The following SLC26A7 variants were observed in gnomAD, a reference collection of about 807,000 sequenced individuals.
SLC26A7 encodes the protein solute carrier family 26 member 7, also known as anion exchange transporter.
In SLC26A7, 59 loss-of-function variants were observed where a neutral mutation model predicts 82.5. The observed-to-expected ratio is 0.72, with a 90% CI of 0.58 to 0.89. The LOEUF (loss-of-function observed/expected upper bound fraction) is 0.89. Among genes scored for constraint, SLC26A7 ranks in the 40% least tolerant of loss-of-function variants. The probability of loss-of-function intolerance (pLI) is 0.00; values close to 1 mark genes in which losing one functional copy is unlikely to be tolerated. For synonymous variants in SLC26A7, 271 were observed against 274.3 expected (o/e 0.99, Z 0.12); for missense variants, 820 against 793.0 (o/e 1.03, Z -0.41).
intron 2 of SLC26A7, among the ~76,000 whole-genome samples, chr8:91,256,215 G>A (rs548783337): frequency 1.8e-4 from 27 of 152,098 alleles, no homozygotes; most frequent in Non-Finnish European, 4.0e-4. Context: ...CCGGCATTGA[G>A]GCATTGTCTT....
At position 91,396,565 on chromosome 8, in the gene SLC26A7, GAATT is replaced by G. The variant is rs1161036536; in HGVS notation, c.*1471_*1474del. Reference sequence around the variant, plus strand: ...TAGGGCAATGTAGTAAAATGAAAGAGAATTAAGAAAGGTTTTGAATTCTTATAAC... The same window carrying G: ...TAGGGCAATGTAGTAAAATGAAAGAGAAGAAAGGTTTTGAATTCTTATAAC... On this transcript the variant is annotated 3_prime_UTR_variant, in exon 19 of 19. Coordinates refer to ENST00000276609, the MANE Select transcript of SLC26A7 (RefSeq NM_052832.4). The G allele has an allele frequency of 6.6e-6, 1 of 151,894 alleles. No homozygotes were observed. Among genetic ancestry groups the G allele is most frequent in the Non-Finnish European group, 1.5e-5 (1 of 67,866 alleles). 9.4% of individuals were successfully genotyped at this position (151,894 alleles called of 1,614,324 possible). A position where few individuals can be genotyped will look rare whatever the true frequency, so the allele number is the denominator to read the frequency against.
chr8:91,375,105 C>G lies in SLC26A7; in HGVS notation c.1675+5272C>G, dbSNP rs148249645. Among the ~76,000 whole-genome samples the G allele has an allele frequency of 2.4e-4, 36 of 151,876 alleles. No individual in the cohort carries two copies. The East Asian group carries it at 5.6e-3, about 24-fold the overall frequency. On this transcript the variant is annotated intron_variant, in intron 15 of 18. Transcript: ENST00000276609. ...TTTGTGAGATAGATCTTTCTCCACCCCCTTACTTTGAGCCTGTGAGTGTTG... is the reference window on the plus strand; with the variant it reads ...TTTGTGAGATAGATCTTTCTCCACCGCCTTACTTTGAGCCTGTGAGTGTTG...
intron 1 of SLC26A7, chr8:91,218,794 C>A: frequency 2.8e-6 from 2 of 724,230 alleles, no homozygotes; most frequent in African/African-American, 1.8e-5. Flanking sequence ...CTTTAGAAGT[C>A]AATGTTCTGA....
chr8:91,279,688 T>G (rs1811515510), intron 2 of SLC26A7, among the ~76,000 whole-genome samples: 1 of 152,130 alleles, frequency 6.6e-6, no homozygotes. Flanking sequence ...GCCTCCCTAG[T>G]AGCTGGGACT....
intron 2 of SLC26A7, among the ~76,000 whole-genome samples, chr8:91,224,301 A>G (rs1270562245): frequency 6.6e-6 from 1 of 151,908 alleles, no homozygotes; most frequent in Non-Finnish European, 1.5e-5. Context: ...ATCAATTCTC[A>G]TCTTCATGAG....
intron 2 of SLC26A7, among the ~76,000 whole-genome samples, chr8:91,288,138 T>C (rs998055053): frequency 1.3e-5 from 2 of 152,200 alleles, no homozygotes; most frequent in Non-Finnish European, 2.9e-5. Flanking sequence ...TTAAAAATGG[T>C]AAAAGCTCAA....
chr8:91,324,389 G>A (rs1812878815), intron 5 of SLC26A7, among the ~76,000 whole-genome samples: 1 of 152,154 alleles, frequency 6.6e-6, no homozygotes, highest in African/African-American at 2.4e-5. Flanking sequence ...GAGCTTGAAA[G>A]CAAGTTGGGG....
intron 4 of SLC26A7, among the ~76,000 whole-genome samples, chr8:91,316,988 TAAAAAAAAAAAAAAAA>T (rs61581659): frequency 5.8e-4 from 9 of 15,542 alleles, no homozygotes; most frequent in Admixed American, 2.5e-3. Flanking sequence ...ACCCTGTCTC[TAAAAAAAAAAAAAAAA>T]AAAAAAAAAA....
At chr8:91,374,881 G>A (rs1439557212) in intron 15 of SLC26A7, among the ~76,000 whole-genome samples, 1 of 151,976 alleles carries the variant, frequency 6.6e-6, no homozygotes, top group Non-Finnish European at 1.5e-5. Context: ...CTTAGGTCTA[G>A]TAGTATTCAT....
At position 91,312,420 on chromosome 8, in the gene SLC26A7, CAT is replaced by C. The variant is rs528349570; in HGVS notation, c.478-5793_478-5792del. Among the ~76,000 whole-genome samples, 302 of 152,186 alleles carry C rather than the reference CAT, an allele frequency of 2.0e-3. 1 individual carries two copies. The highest frequency in any genetic ancestry group is 3.5e-3 in the Non-Finnish European group (237 of 68,004). The stretch of plus-strand genomic sequence containing the variant: ...ATGCTGCTATAAATATCAGTGTAAA[CAT>C]ATGTCTTTGAGATCTTGCTTTCAAT... On this transcript the variant is annotated intron_variant, in intron 4 of 18. Coordinates refer to ENST00000276609, the MANE Select transcript of SLC26A7 (RefSeq NM_052832.4).
intron 4 of SLC26A7, among the ~76,000 whole-genome samples, chr8:91,313,043 A>G (rs77734745): frequency 0.014 from 2,168 of 152,242 alleles, 61 homozygotes; most frequent in East Asian, 0.094. Flanking sequence ...TTCATGTCAT[A>G]TTAAAAATAG....
rs368822249 is a variant in SLC26A7, at chr8:91,331,224, C to T, written c.643-3071C>T. On this transcript the variant is annotated intron_variant, in intron 5 of 18. Transcript: ENST00000276609. ...CAACATATGAACTCAGAGGGGGCCA[C>T]ACAACTGAGCCCATAACAATGTCAA... Among the ~76,000 whole-genome samples, 7 of 152,238 alleles carry T rather than the reference C, an allele frequency of 4.6e-5. No individual in the cohort carries two copies. In the East Asian group the frequency reaches 1.4e-3, roughly 29 times the overall value.
Position 91,369,823 on chromosome 8 carries a change from C to A in SLC26A7, c.1665C>A (p.Gly555=), listed in dbSNP as rs769004813. The change falls in exon 15 of 19, where the codon GGC becomes GGA. Residue 555 remains glycine, a synonymous_variant. Transcript: ENST00000276609. The part of the protein sequence containing the change: ...QNTLLNSLSN[G]NCNEEASQSC... ...CATTGCTTAATTCCCTATCCAATGG[C>A]AACTGCAATGGTGAGTTAGCTTTAA... 2.6e-5 allele frequency: 42 copies of A among 1,603,230 alleles called. No individual in the cohort carries two copies. The highest frequency in any genetic ancestry group is 3.4e-5 in the Non-Finnish European group (40 of 1,174,694).
intron 9 of SLC26A7, chr8:91,344,223 C>T: frequency 1.0e-6 from 1 of 984,150 alleles, no homozygotes; most frequent in Non-Finnish European, 1.2e-6. Context: ...TTATTATCCT[C>T]AGTTTCTACA....
At chr8:91,390,107 C>T (rs1814915135) in intron 16 of SLC26A7, among the ~76,000 whole-genome samples, 1 of 148,592 alleles carries the variant, frequency 6.7e-6, no homozygotes, top group Non-Finnish European at 1.5e-5. Flanking sequence ...CCTCCCCACC[C>T]GCCTTTTTTT....
At chr8:91,262,864 A>G (rs1428741367) in intron 2 of SLC26A7, among the ~76,000 whole-genome samples, 1 of 152,056 alleles carries the variant, frequency 6.6e-6, no homozygotes, top group African/African-American at 2.4e-5. Context: ...TTAATTTCAT[A>G]AATATTTTAA....
At chr8:91,353,753 CT>C (rs1813786409) in intron 11 of SLC26A7, among the ~76,000 whole-genome samples, 1 of 151,986 alleles carries the variant, frequency 6.6e-6, no homozygotes, top group African/African-American at 2.4e-5. Flanking sequence ...ATTATTTATG[CT>C]GGTGCCTACT....
intron 15 of SLC26A7, among the ~76,000 whole-genome samples, chr8:91,377,921 T>G (rs1260936878): frequency 2.6e-5 from 4 of 152,158 alleles, no homozygotes; most frequent in African/African-American, 9.7e-5. Context: ...CCAAAAACTT[T>G]GACGTAGTTT....
At chr8:91,367,991 G>C (rs916496507) in intron 14 of SLC26A7, among the ~76,000 whole-genome samples, 1 of 152,184 alleles carries the variant, frequency 6.6e-6, no homozygotes. Context: ...GATCAGATAC[G>C]TAATTTACAG....
Sources: gnomAD v4.1 joint callset for allele counts (sites outside exome capture counted in the v4.1 genomes callset) on GRCh38, gnomAD v4.1.1 for gene constraint, MANE v1.5 for transcripts, NCBI Gene and HGNC (gene_info 2026-07-23, HGNC 2026-07-21) for gene names.